RPTOR: variants seen among roughly 807,000 people sequenced by gnomAD.
The protein encoded by RPTOR is regulatory-associated protein of mTOR.
RPTOR carries 21 observed loss-of-function variants against 169.9 expected under a neutral mutation model. That is an observed-to-expected ratio of 0.12 (90% CI 0.09 to 0.18). The LOEUF (loss-of-function observed/expected upper bound fraction) is 0.18. Among genes scored for constraint, RPTOR ranks in the 10% least tolerant of loss-of-function variants. The probability of loss-of-function intolerance (pLI) is 1.00; values close to 1 mark genes in which losing one functional copy is unlikely to be tolerated. For missense variants in RPTOR, 1,133 were observed against 1,855.9 expected (o/e 0.61, Z 7.16); for synonymous variants, 732 against 753.2 (o/e 0.97, Z 0.46).
intron 28 of RPTOR, among the ~76,000 whole-genome samples, chr17:80,953,882 G>T (rs751111662): frequency 6.6e-6 from 1 of 152,250 alleles, no homozygotes; most frequent in Non-Finnish European, 1.5e-5. Flanking sequence ...GAGGAGCAGG[G>T]CTGCAAGTTG....
At chr17:80,673,759 C>T (rs1285197307) in intron 3 of RPTOR, among the ~76,000 whole-genome samples, 1 of 152,216 alleles carries the variant, frequency 6.6e-6, no homozygotes, top group Non-Finnish European at 1.5e-5. Flanking sequence ...CTGTCTAAAG[C>T]TCTGCTCTGG....
At chr17:80,956,130 CT>C (rs1236359638) in intron 28 of RPTOR, among the ~76,000 whole-genome samples, 1 of 152,156 alleles carries the variant, frequency 6.6e-6, no homozygotes, top group Non-Finnish European at 1.5e-5. Flanking sequence ...TCAGCAGCCC[CT>C]GGGAGGCGCC....
rs74001072 is a variant in RPTOR at position 80,805,839 on chromosome 17, G to A, written c.890+14330G>A. 5.1e-3 allele frequency among the ~76,000 whole-genome samples: 770 copies of A among 152,122 alleles called. 9 individuals carry two copies. Among genetic ancestry groups the A allele is most frequent in the African/African-American group, 0.018 (751 of 41,430 alleles). On this transcript the variant is annotated intron_variant, in intron 7 of 33. Coordinates refer to ENST00000306801, the MANE Select transcript of RPTOR (RefSeq NM_020761.3). Reference sequence around the variant, plus strand: ...GTTGTTGTTGACTGACTCCAGGAAGGGGCAATAATTTGTCGTTCTATAGTA... The same window carrying A: ...GTTGTTGTTGACTGACTCCAGGAAGAGGCAATAATTTGTCGTTCTATAGTA...
intron 9 of RPTOR, among the ~76,000 whole-genome samples, chr17:80,829,910 T>C (rs1323243740): frequency 6.6e-6 from 1 of 152,228 alleles, no homozygotes. Flanking sequence ...ATTTTACACA[T>C]GTTCTCTGGG....
intron 6 of RPTOR, among the ~76,000 whole-genome samples, chr17:80,782,756 TC>T (rs2066954515): frequency 6.6e-6 from 1 of 152,232 alleles, no homozygotes; most frequent in East Asian, 1.9e-4. Context: ...TCTGTGGCTG[TC>T]CCACTTCCTG....
At chr17:80,807,419 A>C (rs1391332148) in intron 7 of RPTOR, among the ~76,000 whole-genome samples, 1 of 151,956 alleles carries the variant, frequency 6.6e-6, no homozygotes, top group Admixed American at 6.6e-5. Flanking sequence ...GCACGATCTC[A>C]AGCTCACTGC....
rs565695950 is a variant in RPTOR, at chr17:80,820,470, T to C, written c.891-1731T>C. ...TCGCGCTGGCGCTTGAGGGCTGAGA[T>C]GAGCAACCTGGTAAAATGAGTTCCT... On this transcript the variant is annotated intron_variant, in intron 7 of 33. Transcript: ENST00000306801. This position sits in a 1 kb window ranked among gnomAD's most constrained non-coding sequence, Gnocchi z 4.1. 6.6e-6 allele frequency among the ~76,000 whole-genome samples: 1 copy of C among 152,304 alleles called. No homozygotes were observed. The highest frequency in any genetic ancestry group is 6.5e-5 in the Admixed American group (1 of 15,306).
intron 6 of RPTOR, among the ~76,000 whole-genome samples, chr17:80,770,844 A>G (rs2066835575): frequency 6.6e-6 from 1 of 152,208 alleles, no homozygotes; most frequent in African/African-American, 2.4e-5. Context: ...AAAGCAGCTG[A>G]CCTAAGCCCA....
chr17:80,562,600 A>G lies in RPTOR; in HGVS notation c.162+16809A>G, dbSNP rs1187097507. ...GGAGTTCGAGACCAGCCTGGCCAAC[A>G]TGGCGAAACCCCGTCTCTACTAAAA... On this transcript the variant is annotated intron_variant, in intron 1 of 33. Transcript: ENST00000306801. This position sits in a 1 kb window ranked among gnomAD's most constrained non-coding sequence, Gnocchi z 4.4. Among the ~76,000 whole-genome samples, 1 of 152,202 alleles carries G rather than the reference A, an allele frequency of 6.6e-6. No homozygotes were observed. Among genetic ancestry groups the G allele is most frequent in the African/African-American group, 2.4e-5 (1 of 41,446 alleles).
chr17:80,710,467 A>G (rs1186262737), intron 4 of RPTOR, among the ~76,000 whole-genome samples: 1 of 152,010 alleles, frequency 6.6e-6, no homozygotes, highest in Non-Finnish European at 1.5e-5. Context: ...GCTTTTTGTA[A>G]AACAAAAACA....
rs149106633 is a variant in RPTOR at position 80,770,256 on chromosome 17, G to A, written c.830+16071G>A. Among the ~76,000 whole-genome samples, 101 of 152,372 alleles carry A rather than the reference G, an allele frequency of 6.6e-4. No individual in the cohort carries two copies. The Middle Eastern group carries it at 0.01, about 15-fold the overall frequency. On this transcript the variant is annotated intron_variant, in intron 6 of 33. Coordinates refer to ENST00000306801, the MANE Select transcript of RPTOR (RefSeq NM_020761.3). Reference sequence around the variant, plus strand: ...TGCTAAAATCCCACTCAGGATGGCGGAGCCTTGGGATGTAACCGTCATCTA... The same window carrying A: ...TGCTAAAATCCCACTCAGGATGGCGAAGCCTTGGGATGTAACCGTCATCTA...
intron 1 of RPTOR, chr17:80,602,906 A>G (rs2065201112): frequency 2.2e-6 from 1 of 459,222 alleles, no homozygotes; most frequent in Non-Finnish European, 4.0e-6. Flanking sequence ...TCTTCTCGCC[A>G]TCCTTTTCTG....
chr17:80,687,184 C>T (rs1261105366), intron 3 of RPTOR, among the ~76,000 whole-genome samples: 4 of 152,204 alleles, frequency 2.6e-5, no homozygotes, highest in East Asian at 3.8e-4. Context: ...GAGTTCTGTC[C>T]GTCCCACTTC....
intron 1 of RPTOR, among the ~76,000 whole-genome samples, chr17:80,598,815 A>G (rs1231031791): frequency 6.6e-6 from 1 of 152,204 alleles, no homozygotes; most frequent in Non-Finnish European, 1.5e-5. Context: ...AAAACAGCTT[A>G]TACATTAACT....
intron 20 of RPTOR, among the ~76,000 whole-genome samples, chr17:80,896,548 CGCCG>C (rs1452267526): frequency 2.8e-4 from 4 of 14,048 alleles, no homozygotes; most frequent in African/African-American, 6.6e-4. Flanking sequence ...CCCACGGCCG[CGCCG>C]ACACCCCACA....
rs797012799 is a variant in RPTOR, at chr17:80,773,814, G to A, written c.831-17636G>A. 1.8e-5 allele frequency: 18 copies of A among 985,406 alleles called. No homozygotes were observed. The South Asian group carries it at 6.6e-4, about 36-fold the overall frequency. The allele number at this position is 985,406 out of a possible 1,614,324, so 61.0% of individuals were successfully genotyped here. On this transcript the variant is annotated intron_variant, in intron 6 of 33. Transcript: ENST00000306801. ...CGCTGCCAGCAAACTGTTCTTTCTG[G>A]AAGAGGAACGCTTGGTGCCTGGGTG...
chr17:80,758,912 C>A (rs2066707295), intron 6 of RPTOR, among the ~76,000 whole-genome samples: 2 of 151,738 alleles, frequency 1.3e-5, no homozygotes, highest in African/African-American at 4.8e-5. Context: ...GACATCGCTA[C>A]CTTCCTGTGC....
At chr17:80,596,591 T>A (rs189062239) in intron 1 of RPTOR, among the ~76,000 whole-genome samples, 14 of 152,318 alleles carry the variant, frequency 9.2e-5, no homozygotes, top group Non-Finnish European at 1.8e-4. Context: ...TATTAGGTTG[T>A]GTAACTTTTT....
At chr17:80,904,124 ACGGCTC>A (rs1410863597) in intron 20 of RPTOR, among the ~76,000 whole-genome samples, 3 of 152,130 alleles carry the variant, frequency 2.0e-5, no homozygotes, top group Non-Finnish European at 4.4e-5. Context: ...TGCAGGGCCC[ACGGCTC>A]CGGCCGGCCC....
Sources: allele counts gnomAD v4.1 joint callset (sites outside exome capture counted in the v4.1 genomes callset), GRCh38; gene constraint gnomAD v4.1.1; non-coding constraint Gnocchi (gnomAD v3.1); transcripts MANE v1.5; gene names NCBI Gene and HGNC (gene_info 2026-07-23, HGNC 2026-07-21).